The following TMEM130 variants were observed in gnomAD, a reference collection of about 807,000 sequenced individuals.
TMEM130 encodes the protein transmembrane protein 130.
Under a neutral mutation model 42.9 loss-of-function variants are expected in TMEM130, and 37 were observed. The ratio of observed to expected loss-of-function variants is 0.86; its 90% CI spans 0.66 to 1.13. The LOEUF (loss-of-function observed/expected upper bound fraction) is 1.13, where lower values mean the gene tolerates loss of function less well. Ranked by LOEUF, TMEM130 falls within the 50% of genes most tolerant of loss-of-function variation. The probability of loss-of-function intolerance (pLI) is 0.00; values close to 1 mark genes in which losing one functional copy is unlikely to be tolerated. For missense variants in TMEM130, 545 were observed against 562.6 expected (o/e 0.97, Z 0.32); for synonymous variants, 259 against 237.7 (o/e 1.09, Z -0.82).
chr7:98,852,624 T>C (rs1794537214), intron 5 of TMEM130, among the ~76,000 whole-genome samples: 1 of 152,074 alleles, frequency 6.6e-6, no homozygotes, highest in African/African-American at 2.4e-5. Context: ...TGACAGAGTC[T>C]CACTCTGTCA....
chr7:98,866,715 T>G (rs1794917930), intron 1 of TMEM130: 1 of 152,230 alleles, frequency 6.6e-6, no homozygotes, highest in South Asian at 2.1e-4. Flanking sequence ...GGACTCCAGC[T>G]CCGACCTTTC....
chr7:98,863,013 T>C, intron 2 of TMEM130, 82 bp downstream of exon 2: 3 of 1,462,100 alleles, frequency 2.1e-6, no homozygotes, highest in South Asian at 2.5e-5. Context: ...TAATCTGCAT[T>C]GATCTGATTC....
chr7:98,860,267 T>C lies in TMEM130; in HGVS notation c.463A>G (p.Thr155Ala). ...AGGAGGAAGGAGACTTTCAGGACGGTCTTAGTGAGATAGGAGCTGGGCCAG... is the reference window on the plus strand; with the variant it reads ...AGGAGGAAGGAGACTTTCAGGACGGCCTTAGTGAGATAGGAGCTGGGCCAG... Reference protein sequence around the residue: ...LPWPSSYLTKTVLKVSFLLHD... With the variant: ...LPWPSSYLTKAVLKVSFLLHD... The change falls in exon 3 of 8, where the codon ACC (threonine) becomes GCC (alanine). Residue 155 changes from threonine to alanine, a missense_variant. Physicochemically the swap from Thr to Ala is moderately conservative, Grantham distance 58. Coordinates refer to ENST00000339375, the MANE Select transcript of TMEM130 (RefSeq NM_152913.3). The C allele has an allele frequency of 6.2e-7, 1 of 1,613,284 alleles. No homozygotes were observed. The highest frequency in any genetic ancestry group is 8.5e-7 in the Non-Finnish European group (1 of 1,179,652).
intron 1 of TMEM130, among the ~76,000 whole-genome samples, chr7:98,865,262 C>G (rs1328136357): frequency 6.6e-6 from 1 of 152,200 alleles, no homozygotes; most frequent in African/African-American, 2.4e-5. Flanking sequence ...TCCAGAAATA[C>G]AGAACAAGCC....
At position 98,847,550 on chromosome 7, in the gene TMEM130, T is replaced by A. The variant is rs1794386161; in HGVS notation, c.*506A>T. ...TGTGTGTGTGTGTGTGTGGTGTGTG[T>A]ACATGCACACTTCTCTCTGTGAGTG... On this transcript the variant is annotated 3_prime_UTR_variant, in exon 8 of 8. Coordinates refer to ENST00000339375, the MANE Select transcript of TMEM130 (RefSeq NM_152913.3). 6.5e-6 allele frequency: 1 copy of A among 153,238 alleles called. No individual in the cohort carries two copies. Among genetic ancestry groups the A allele is most frequent in the South Asian group, 2.1e-4 (1 of 4,876 alleles). The allele number at this position is 153,238 out of a possible 1,614,324, so 9.5% of individuals were successfully genotyped here. A position where few individuals can be genotyped will look rare whatever the true frequency, so the allele number is the denominator to read the frequency against.
At chr7:98,853,356 G>A (rs191065525) in intron 5 of TMEM130, among the ~76,000 whole-genome samples, 54 of 152,242 alleles carry the variant, frequency 3.5e-4, no homozygotes, top group Non-Finnish European at 6.5e-4. Flanking sequence ...GGTCGGGCAC[G>A]GTGGCTCACG....
At chr7:98,851,271 G>A (rs1554398155) in intron 6 of TMEM130, 150 bp downstream of exon 6, 10 of 744,754 alleles carry the variant, frequency 1.3e-5, no homozygotes, top group Admixed American at 7.1e-5. Flanking sequence ...ACTGGAGTCA[G>A]TGGGGTTATG....
intron 3 of TMEM130, among the ~76,000 whole-genome samples, chr7:98,858,827 GAGTGTCTGACCAC>G: frequency 6.6e-6 from 1 of 152,032 alleles, no homozygotes; most frequent in Middle Eastern, 3.4e-3. Context: ...ACTCTAGCCT[GAGTGTCTGACCAC>G]AGGTTGCTTT....
Position 98,848,034 on chromosome 7 carries a change from A to G in TMEM130, c.*22T>C. ...AAGTCAGCAGTCAGTTAACACTGAG[A>G]TGGGGTGGGGAGGGGGAGTGCTCAC... On this transcript the variant is annotated 3_prime_UTR_variant, in exon 8 of 8. Transcript: ENST00000339375. The G allele has an allele frequency of 6.2e-7, 1 of 1,602,242 alleles. No homozygotes were observed. The highest frequency in any genetic ancestry group is 1.7e-4 in the Middle Eastern group (1 of 5,770).
intron 1 of TMEM130, chr7:98,866,576 C>A (rs1469118305): frequency 1.3e-5 from 2 of 152,384 alleles, no homozygotes; most frequent in Admixed American, 1.3e-4. Context: ...CAGGGCAGGG[C>A]CAGCCCGGGG....
chr7:98,866,733 C>G (rs1794918446), intron 1 of TMEM130: 1 of 152,224 alleles, frequency 6.6e-6, no homozygotes, highest in African/African-American at 2.4e-5. Context: ...TTCCTCAGGC[C>G]CACCTCACAC....
intron 5 of TMEM130, among the ~76,000 whole-genome samples, chr7:98,854,317 G>A (rs1421159727): frequency 3.3e-5 from 5 of 152,128 alleles, no homozygotes; most frequent in Admixed American, 3.3e-4. Context: ...AAAGATCTGG[G>A]GGCTGGAAAA....
rs781830215 is a variant in TMEM130, at chr7:98,860,362, G to T, written c.392-24C>A. On this transcript the variant is annotated intron_variant, in intron 2 of 7. Transcript: ENST00000339375. ...CTCTGGGAGAGAGAGAGACACGGGA[G>T]GGTGAGTCTTGGAGATTCAGGGATC... The T allele has an allele frequency of 3.2e-6, 5 of 1,567,980 alleles. No homozygotes were observed. In the African/African-American group the frequency reaches 6.8e-5, roughly 21 times the overall value.
intron 3 of TMEM130, 26 bp downstream of exon 3, chr7:98,860,153 G>A (rs1554399552): frequency 6.2e-7 from 1 of 1,605,160 alleles, no homozygotes; most frequent in Non-Finnish European, 8.5e-7. Flanking sequence ...GACAGCTGTA[G>A]GGCCTGCAGA....
chr7:98,847,920 T>A lies in TMEM130; in HGVS notation c.*136A>T. On this transcript the variant is annotated 3_prime_UTR_variant, in exon 8 of 8. Coordinates refer to ENST00000339375, the MANE Select transcript of TMEM130 (RefSeq NM_152913.3). ...GAGGGGCTTGTGGCAGTGGCTGAAC[T>A]GTACAGATGGATGGATGATCCAGGC... 1.2e-6 allele frequency: 1 copy of A among 807,670 alleles called. No individual in the cohort carries two copies. The highest frequency in any genetic ancestry group is 2.0e-6 in the Non-Finnish European group (1 of 507,328). The allele number at this position is 807,670 out of a possible 1,614,324, so 50.0% of individuals were successfully genotyped here.
At chr7:98,867,191 C>A (rs1338546199) in intron 1 of TMEM130, among the ~76,000 whole-genome samples, 1 of 152,152 alleles carries the variant, frequency 6.6e-6, no homozygotes, top group Non-Finnish European at 1.5e-5. Context: ...AGGGGACCTG[C>A]AGTGTCTTAA....
intron 5 of TMEM130, among the ~76,000 whole-genome samples, chr7:98,852,601 T>C (rs1157666938): frequency 6.6e-6 from 1 of 151,226 alleles, no homozygotes; most frequent in African/African-American, 2.4e-5. Flanking sequence ...TTTTTGTTTT[T>C]GTGGGGTTTT....
chr7:98,868,317 C>T (rs1190754095), intron 1 of TMEM130, among the ~76,000 whole-genome samples: 1 of 152,150 alleles, frequency 6.6e-6, no homozygotes, highest in Non-Finnish European at 1.5e-5. Flanking sequence ...TTAGGGGACT[C>T]CAAGGGCCCC....
chr7:98,863,048 T>C lies in TMEM130; in HGVS notation c.391+47A>G, dbSNP rs782171155. On this transcript the variant is annotated intron_variant, in intron 2 of 7. Transcript: ENST00000339375. Reference sequence around the variant, plus strand: ...CCTAGCGAAGCTTGATGTTTTTCTCTGCACCAAGGGTTTGAAGGCAAACTA... The same window carrying C: ...CCTAGCGAAGCTTGATGTTTTTCTCCGCACCAAGGGTTTGAAGGCAAACTA... 9.6e-6 allele frequency: 15 copies of C among 1,564,020 alleles called. No homozygotes were observed. In the South Asian group the frequency reaches 1.5e-4, roughly 16 times the overall value.
Sources: gnomAD v4.1 joint callset for allele counts (sites outside exome capture counted in the v4.1 genomes callset) on GRCh38, gnomAD v4.1.1 for gene constraint, MANE v1.5 for transcripts, NCBI Gene and HGNC (gene_info 2026-07-23, HGNC 2026-07-21) for gene names.